Variants in SRPRA observed in about 807,000 individuals in gnomAD.
SRPRA encodes SRP receptor subunit alpha.
SRPRA carries 30 observed loss-of-function variants against 61.1 expected under a neutral mutation model. That is an observed-to-expected ratio of 0.49 (90% CI 0.37 to 0.67). The LOEUF (loss-of-function observed/expected upper bound fraction) is 0.67, where lower values mean the gene tolerates loss of function less well. Among genes scored for constraint, SRPRA ranks in the 30% least tolerant of loss-of-function variants. The pLI, the probability that SRPRA is intolerant of heterozygous loss-of-function variation, is 0.00. For missense variants in SRPRA, 759 were observed against 828.4 expected, an observed-to-expected ratio of 0.92 and a Z score of 1.03; for synonymous variants, 324 against 299.7, an observed-to-expected ratio of 1.08 and a Z score of -0.84.
Position 126,264,865 on chromosome 11 carries a change from G to T in SRPRA, c.1525+94C>A. On this transcript the variant is annotated intron_variant, in intron 11 of 13. Transcript: ENST00000332118. The surrounding 1 kb of genome is among the most constrained non-coding windows in gnomAD (Gnocchi z 5.0). ...TTTACTGTAATTGACCAACGAGTCT[G>T]TAGTAGCACAAGCCTGATCTTCTGC... is the stretch of plus-strand genomic sequence containing the variant. 2.5e-6 allele frequency: 3 copies of T among 1,205,782 alleles called. No individual in the cohort carries two copies. Among genetic ancestry groups the T allele is most frequent in the East Asian group, 2.5e-5 (1 of 40,206 alleles). 74.7% of individuals were successfully genotyped at this position (1,205,782 alleles called of 1,614,324 possible).
chr11:126,242,387 C>T, the SRPRA span, among the ~76,000 whole-genome samples: 1 of 151,592 alleles, frequency 6.6e-6, no homozygotes, highest in African/African-American at 2.4e-5. Flanking sequence ...GGCATGAGTT[C>T]AAGACCAGCC....
chr11:126,268,498 G>A (rs1034596400), intron 1 of SRPRA, among the ~76,000 whole-genome samples, 190 bp downstream of exon 1: 7 of 151,982 alleles, frequency 4.6e-5, no homozygotes, highest in African/African-American at 1.7e-4. Context: ...GACACCAGAG[G>A]CGGGGGCCGT....
Position 126,265,042 on chromosome 11 carries a change from T to C in SRPRA, c.1442A>G (p.His481Arg), listed in dbSNP as rs767542232. The C allele has an allele frequency of 4.3e-6, 7 of 1,614,214 alleles. No individual in the cohort carries two copies. The South Asian group carries it at 7.7e-5, about 18-fold the overall frequency. The change falls in exon 11 of 14, where the codon CAT becomes CGT. Residue 481 changes from histidine to arginine, a missense_variant. His to Arg is a conservative substitution (Grantham distance 29). This residue lies in a region of SRPRA where 284 missense variants were observed against 365.9 expected (regional missense o/e 0.78). Transcript: ENST00000332118. This position sits in a 1 kb window ranked among gnomAD's most constrained non-coding sequence, Gnocchi z 6.3. ...RLSALHPPEK[H>R]GGRTMVQLFE... ...CAACTGCACCATGGTGCGGCCACCA[T>C]GCTTCTCTGGAGGGTGTAGGGCACT...
chr11:126,264,154 G>A lies in SRPRA; in HGVS notation c.1788+37C>T, dbSNP rs754453657. The stretch of plus-strand genomic sequence containing the variant: ...TTCCTTGCAGCCTCAGCTCCTTTGT[G>A]CAGGACGCCCATTCCAGCCTCCAGT... On this transcript the variant is annotated intron_variant, in intron 13 of 13. Coordinates refer to ENST00000332118, the MANE Select transcript of SRPRA (RefSeq NM_003139.4). This position sits in a 1 kb window ranked among gnomAD's most constrained non-coding sequence, Gnocchi z 5.0. 2.5e-6 allele frequency: 4 copies of A among 1,612,514 alleles called. No homozygotes were observed. In the South Asian group the frequency reaches 4.4e-5, roughly 18 times the overall value.
chr11:126,247,142 A>G, the SRPRA span, among the ~76,000 whole-genome samples: 8 of 152,132 alleles, frequency 5.3e-5, no homozygotes, highest in Non-Finnish European at 1.0e-4. Flanking sequence ...AAAATTTAAA[A>G]AGTAGTCGGC....
chr11:126,250,006 G>T, the SRPRA span, among the ~76,000 whole-genome samples: 1 of 151,848 alleles, frequency 6.6e-6, no homozygotes, highest in Non-Finnish European at 1.5e-5. The surrounding 1 kb of genome is among the most constrained non-coding windows in gnomAD (Gnocchi z 5.1). Flanking sequence ...CTTGCTATCT[G>T]CTAAGCATTG....
the SRPRA span, chr11:126,256,441 T>C: frequency 1.3e-6 from 1 of 777,370 alleles, no homozygotes; most frequent in South Asian, 1.8e-5. This position sits in a 1 kb window ranked among gnomAD's most constrained non-coding sequence, Gnocchi z 6.6. Flanking sequence ...TGATGGGACA[T>C]ACCAACCCAC....
the SRPRA span, among the ~76,000 whole-genome samples, chr11:126,243,071 T>G: frequency 6.6e-6 from 1 of 152,148 alleles, no homozygotes; most frequent in Admixed American, 6.5e-5. Flanking sequence ...GGATGAACCT[T>G]GAAAACATTA....
chr11:126,254,224 A>G, the SRPRA span: 1 of 1,520,292 alleles, frequency 6.6e-7, no homozygotes, highest in Non-Finnish European at 8.9e-7. Context: ...TCTAGTCCTC[A>G]AAACAGCCTC....
In SRPRA at chr11:126,267,073, G is replaced by A. The variant is rs1394029048; in HGVS notation, c.526+102C>T. On this transcript the variant is annotated intron_variant, in intron 4 of 13. Coordinates refer to ENST00000332118, the MANE Select transcript of SRPRA (RefSeq NM_003139.4). The surrounding 1 kb of genome is among the most constrained non-coding windows in gnomAD (Gnocchi z 4.2). ...GGATTATAGGATGGTGACCATTTGA[G>A]TGAGAAGCAGGTAAGCAATGACAAA... 2 of 1,532,806 alleles carry A rather than the reference G, an allele frequency of 1.3e-6. No individual in the cohort carries two copies. The highest frequency in any genetic ancestry group is 2.8e-5 in the African/African-American group (2 of 72,370). 95.0% of individuals were successfully genotyped at this position (1,532,806 alleles called of 1,614,324 possible).
the SRPRA span, among the ~76,000 whole-genome samples, chr11:126,237,273 T>A: frequency 1.7e-5 from 2 of 116,324 alleles, no homozygotes; most frequent in African/African-American, 6.7e-5. Flanking sequence ...CAGGCTGGAG[T>A]GCAATGGTGC....
At chr11:126,255,128 G>A in the SRPRA span, among the ~76,000 whole-genome samples, 1 of 152,186 alleles carries the variant, frequency 6.6e-6, no homozygotes, top group Non-Finnish European at 1.5e-5. The surrounding 1 kb of genome is among the most constrained non-coding windows in gnomAD (Gnocchi z 4.6). Flanking sequence ...AAGAGACTTT[G>A]TATAAATGGC....
chr11:126,238,119 TG>T, the SRPRA span, among the ~76,000 whole-genome samples: 1 of 152,108 alleles, frequency 6.6e-6, no homozygotes, highest in African/African-American at 2.4e-5. Flanking sequence ...CCCAGCACTT[TG>T]GGAGGCCAAG....
At chr11:126,240,122 A>G in the SRPRA span, among the ~76,000 whole-genome samples, 35 of 152,360 alleles carry the variant, frequency 2.3e-4, no homozygotes, top group Admixed American at 4.6e-4. Context: ...GCTGTCTCAC[A>G]TATGGGCCTC....
At chr11:126,256,559 C>T in the SRPRA span, 2 of 1,612,476 alleles carry the variant, frequency 1.2e-6, no homozygotes, top group Non-Finnish European at 1.7e-6. The surrounding 1 kb of genome is among the most constrained non-coding windows in gnomAD (Gnocchi z 6.6). Flanking sequence ...TGTATCTTTT[C>T]CTTCCAGAGA....
chr11:126,254,693 C>G, the SRPRA span, among the ~76,000 whole-genome samples: 2 of 152,134 alleles, frequency 1.3e-5, no homozygotes, highest in African/African-American at 4.8e-5. Context: ...AGCTAGGCAT[C>G]ATGGTGCATG....
the SRPRA span, chr11:126,250,640 C>T: frequency 9.3e-6 from 15 of 1,613,932 alleles, no homozygotes; most frequent in African/African-American, 4.0e-5. This position sits in a 1 kb window ranked among gnomAD's most constrained non-coding sequence, Gnocchi z 5.1. Flanking sequence ...ATGGAGCCCT[C>T]GTATTAACTA....
chr11:126,253,524 T>TA, the SRPRA span, among the ~76,000 whole-genome samples: 1 of 152,220 alleles, frequency 6.6e-6, no homozygotes, highest in Non-Finnish European at 1.5e-5. The surrounding 1 kb of genome is among the most constrained non-coding windows in gnomAD (Gnocchi z 5.1). Context: ...TTCTATCACT[T>TA]ATCTATTGCT....
the SRPRA span, among the ~76,000 whole-genome samples, chr11:126,237,056 A>G: frequency 1.3e-5 from 2 of 148,854 alleles, no homozygotes; most frequent in Non-Finnish European, 1.5e-5. Flanking sequence ...AGCTGGGACT[A>G]CAGGCGCCCG....
Sources: gnomAD v4.1 joint callset for allele counts (sites outside exome capture counted in the v4.1 genomes callset) on GRCh38, gnomAD v4.1.1 for gene constraint, gnomAD v4.1.1 regional missense constraint, Gnocchi (gnomAD v3.1) non-coding constraint, MANE v1.5 for transcripts, NCBI Gene and HGNC (gene_info 2026-07-23, HGNC 2026-07-21) for gene names.